ELOVL6: variants seen among roughly 807,000 people sequenced by gnomAD.
ELOVL6 encodes ELOVL fatty acid elongase 6, also known as very long chain fatty acid elongase 6.
A neutral mutation model predicts 31.7 loss-of-function variants in ELOVL6; 8 were observed. That is an observed-to-expected ratio of 0.25 (90% CI 0.15 to 0.45). The LOEUF (loss-of-function observed/expected upper bound fraction) is 0.45. Ranked by LOEUF, ELOVL6 falls within the 20% of genes least tolerant of loss-of-function variation. The pLI is 1.00. For missense variants in ELOVL6, 126 were observed against 326.4 expected (o/e 0.39, Z 4.73); for synonymous variants, 101 against 117.7 (o/e 0.86, Z 0.92).
chr4:110,053,575 C>CG (rs935676464), intron 3 of ELOVL6, among the ~76,000 whole-genome samples: 3 of 152,088 alleles, frequency 2.0e-5, no homozygotes, highest in African/African-American at 7.2e-5. Context: ...GAGGCCAAGG[C>CG]GGGGGGATCA....
chr4:110,087,500 G>C (rs930596628), intron 2 of ELOVL6, among the ~76,000 whole-genome samples: 1 of 152,032 alleles, frequency 6.6e-6, no homozygotes, highest in Non-Finnish European at 1.5e-5. Flanking sequence ...CTGAAAACTT[G>C]GCAGCTCTAA....
intron 2 of ELOVL6, among the ~76,000 whole-genome samples, chr4:110,103,868 A>G (rs528461827): frequency 3.9e-5 from 6 of 152,362 alleles, no homozygotes; most frequent in South Asian, 4.1e-4. Context: ...TTGAAATTTA[A>G]TAAGAACAAA....
At chr4:110,191,698 T>C (rs963882247) in intron 1 of ELOVL6, among the ~76,000 whole-genome samples, 1 of 152,038 alleles carries the variant, frequency 6.6e-6, no homozygotes, top group Non-Finnish European at 1.5e-5. Flanking sequence ...AAAGACTGAT[T>C]AGATGGGGGG....
At chr4:110,131,493 G>A (rs1437918731) in intron 1 of ELOVL6, among the ~76,000 whole-genome samples, 2 of 152,066 alleles carry the variant, frequency 1.3e-5, no homozygotes, top group African/African-American at 4.8e-5. Context: ...AAACATGAAC[G>A]AGGGCTCCAG....
At chr4:110,177,126 T>C (rs761817530) in intron 1 of ELOVL6, among the ~76,000 whole-genome samples, 5 of 152,312 alleles carry the variant, frequency 3.3e-5, no homozygotes, top group Non-Finnish European at 7.3e-5. Flanking sequence ...GCCTGGCTGA[T>C]GGCATGAAAT....
intron 1 of ELOVL6, among the ~76,000 whole-genome samples, chr4:110,186,273 C>A (rs1759436851): frequency 6.6e-6 from 1 of 152,022 alleles, no homozygotes. Flanking sequence ...TTCCTGCTGA[C>A]CACCAACCCA....
intron 1 of ELOVL6, among the ~76,000 whole-genome samples, chr4:110,136,353 GGTTT>G (rs2126259363): frequency 1.3e-5 from 2 of 152,146 alleles, no homozygotes; most frequent in South Asian, 4.2e-4. Context: ...TACAACTATG[GGTTT>G]GTCTATAATA....
chr4:110,079,094 TC>T (rs1755750272), intron 2 of ELOVL6, among the ~76,000 whole-genome samples: 1 of 152,112 alleles, frequency 6.6e-6, no homozygotes, highest in Non-Finnish European at 1.5e-5. Flanking sequence ...ATAAAGCAAG[TC>T]CTTAGAGACC....
chr4:110,141,874 T>TATATATATATAC (rs926529050), intron 1 of ELOVL6, among the ~76,000 whole-genome samples: 7 of 143,220 alleles, frequency 4.9e-5, no homozygotes, highest in African/African-American at 1.6e-4. Context: ...TATATATATA[T>TATATATATATAC]ACTAATACAA....
chr4:110,131,204 G>A (rs1221098372), intron 1 of ELOVL6, among the ~76,000 whole-genome samples: 1 of 152,208 alleles, frequency 6.6e-6, no homozygotes, highest in Non-Finnish European at 1.5e-5. Context: ...CAGAAACTGA[G>A]TTACAGAGAG....
chr4:110,069,200 A>G (rs1755396657), intron 2 of ELOVL6, among the ~76,000 whole-genome samples: 1 of 151,126 alleles, frequency 6.6e-6, no homozygotes, highest in African/African-American at 2.4e-5. Flanking sequence ...ATGGATGTCA[A>G]CTAGCATTTC....
intron 1 of ELOVL6, among the ~76,000 whole-genome samples, chr4:110,187,518 A>C (rs1759485803): frequency 6.6e-6 from 1 of 151,660 alleles, no homozygotes; most frequent in African/African-American, 2.4e-5. Flanking sequence ...AGACCAGTGA[A>C]ACCCCGTCTC....
intron 1 of ELOVL6, among the ~76,000 whole-genome samples, chr4:110,106,819 G>A (rs887267886): frequency 3.3e-5 from 5 of 152,008 alleles, no homozygotes; most frequent in African/African-American, 4.8e-5. Context: ...AAGTCACTCT[G>A]GTACAAATGC....
At chr4:110,121,783 C>A (rs1003140772) in intron 1 of ELOVL6, among the ~76,000 whole-genome samples, 1 of 152,214 alleles carries the variant, frequency 6.6e-6, no homozygotes, top group African/African-American at 2.4e-5. Flanking sequence ...AAATCACTTA[C>A]ACTTGCAATT....
At chr4:110,091,877 G>A (rs116353931) in intron 2 of ELOVL6, among the ~76,000 whole-genome samples, 27 of 152,254 alleles carry the variant, frequency 1.8e-4, no homozygotes, top group Admixed American at 6.5e-4. Context: ...ATTATGCCCC[G>A]GATCAATCAA....
chr4:110,156,892 T>C (rs995722599), intron 1 of ELOVL6, among the ~76,000 whole-genome samples: 1 of 152,150 alleles, frequency 6.6e-6, no homozygotes, highest in East Asian at 1.9e-4. Flanking sequence ...AAATTAGTCC[T>C]CAAAGAAATC....
At chr4:110,061,233 T>C (rs527375533) in intron 2 of ELOVL6, among the ~76,000 whole-genome samples, 3 of 152,196 alleles carry the variant, frequency 2.0e-5, no homozygotes, top group African/African-American at 4.8e-5. Flanking sequence ...TGCCTCTCTC[T>C]CCCCATTCTC....
At chr4:110,074,541 T>C (rs1553954965) in intron 2 of ELOVL6, among the ~76,000 whole-genome samples, 1 of 152,136 alleles carries the variant, frequency 6.6e-6, no homozygotes, top group Admixed American at 6.6e-5. Context: ...TTAGAAATGA[T>C]GTGGATAAGA....
chr4:110,168,295 G>A (rs2126272190), intron 1 of ELOVL6, among the ~76,000 whole-genome samples: 1 of 152,176 alleles, frequency 6.6e-6, no homozygotes, highest in African/African-American at 2.4e-5. Flanking sequence ...TGGGCAGATT[G>A]CTGGAAGCCC....
Sources: gnomAD v4.1 joint callset for allele counts (sites outside exome capture counted in the v4.1 genomes callset) on GRCh38, gnomAD v4.1.1 for gene constraint, MANE v1.5 for transcripts, NCBI Gene and HGNC (gene_info 2026-07-23, HGNC 2026-07-21) for gene names.